Variants in CCSER2 observed in about 807,000 individuals in gnomAD.
CCSER2 encodes the protein serine-rich coiled-coil domain-containing protein 2.
Under a neutral mutation model 92.3 loss-of-function variants are expected in CCSER2, and 46 were observed. The observed-to-expected ratio is 0.50, with a 90% CI of 0.39 to 0.64. The LOEUF is 0.64. Among genes scored for constraint, CCSER2 ranks in the 30% least tolerant of loss-of-function variants. The pLI, the probability that CCSER2 is intolerant of heterozygous loss-of-function variation, is 0.00. For missense variants in CCSER2, 1,244 were observed against 1,238.9 expected (o/e 1.00, Z -0.06); for synonymous variants, 433 against 431.4 (o/e 1.00, Z -0.04).
intron 3 of CCSER2, among the ~76,000 whole-genome samples, chr10:84,382,165 GA>G (rs1280615774): frequency 6.6e-6 from 1 of 152,136 alleles, no homozygotes; most frequent in Non-Finnish European, 1.5e-5. Context: ...TCCTTTTAGT[GA>G]ATTTTCTATT....
At chr10:84,462,166 C>T (rs554589781) in intron 6 of CCSER2, among the ~76,000 whole-genome samples, 2 of 152,130 alleles carry the variant, frequency 1.3e-5, no homozygotes, top group Non-Finnish European at 2.9e-5. Flanking sequence ...AGGGATGAAC[C>T]GATGAATTTA....
intron 1 of CCSER2, among the ~76,000 whole-genome samples, chr10:84,348,707 A>G (rs1375199447): frequency 6.6e-6 from 1 of 151,844 alleles, no homozygotes; most frequent in Admixed American, 6.6e-5. Flanking sequence ...GGCATGAATA[A>G]GAGAAATCTG....
chr10:84,396,468 A>G (rs901315579), intron 3 of CCSER2, among the ~76,000 whole-genome samples: 4 of 151,722 alleles, frequency 2.6e-5, no homozygotes, highest in South Asian at 2.1e-4. Flanking sequence ...TTAGTTCTCA[A>G]TCCTTTCAGC....
intron 1 of CCSER2, among the ~76,000 whole-genome samples, chr10:84,358,588 C>T (rs1272958615): frequency 1.3e-5 from 2 of 150,684 alleles, no homozygotes; most frequent in South Asian, 2.1e-4. Flanking sequence ...GATAGCACCA[C>T]TGCATGCTGG....
At chr10:84,441,734 ATGTTTTTTTTTTTTTTTTTTTTT>A (rs1345470351) in intron 6 of CCSER2, among the ~76,000 whole-genome samples, 2 of 106,450 alleles carry the variant, frequency 1.9e-5, no homozygotes, top group South Asian at 3.4e-4. Flanking sequence ...GACTGGGAAA[ATGTTTTTTTTTTTTTTTTTTTTT>A]TTTTTTTTTT....
chr10:84,373,559 T>A, intron 2 of CCSER2, 60 bp from the exon 3 acceptor site: 2 of 1,321,348 alleles, frequency 1.5e-6, no homozygotes, highest in Non-Finnish European at 2.1e-6. Context: ...AGCACTTATA[T>A]TTTTAGGACA....
chr10:84,470,022 T>TC (rs1264913222), intron 7 of CCSER2, among the ~76,000 whole-genome samples: 1 of 149,914 alleles, frequency 6.7e-6, no homozygotes, highest in Non-Finnish European at 1.5e-5. Context: ...GATTTTTTTT[T>TC]TTTTTTTTTT....
intron 9 of CCSER2, among the ~76,000 whole-genome samples, chr10:84,498,173 T>TA (rs1401598829): frequency 6.6e-6 from 1 of 152,222 alleles, no homozygotes; most frequent in African/African-American, 2.4e-5. Flanking sequence ...TACTTAGTAG[T>TA]ACAGTGGGTA....
chr10:84,433,194 G>A (rs996955864), intron 5 of CCSER2, among the ~76,000 whole-genome samples: 1 of 152,098 alleles, frequency 6.6e-6, no homozygotes, highest in Non-Finnish European at 1.5e-5. Flanking sequence ...GATATTTTGG[G>A]TCTTTTGCCT....
chr10:84,474,593 C>T (rs574581184), intron 8 of CCSER2, among the ~76,000 whole-genome samples: 88 of 144,918 alleles, frequency 6.1e-4, no homozygotes, highest in Middle Eastern at 3.8e-3. Context: ...CCCGTGAGGC[C>T]GAGGTTGCAG....
intron 1 of CCSER2, among the ~76,000 whole-genome samples, chr10:84,342,084 G>A (rs1229436507): frequency 1.3e-5 from 2 of 152,114 alleles, no homozygotes; most frequent in African/African-American, 2.4e-5. Flanking sequence ...GAGGTTGGGG[G>A]ATGGGGCTGA....
chr10:84,422,406 A>C (rs1272368968), intron 4 of CCSER2, among the ~76,000 whole-genome samples: 1 of 152,166 alleles, frequency 6.6e-6, no homozygotes, highest in East Asian at 1.9e-4. Context: ...ATATTTAGAG[A>C]AATTTATTTT....
intron 3 of CCSER2, among the ~76,000 whole-genome samples, chr10:84,392,579 T>A (rs1382328231): frequency 6.6e-6 from 1 of 151,962 alleles, no homozygotes. Flanking sequence ...TGCATATTGA[T>A]GAAGAACTGC....
chr10:84,449,389 A>C (rs1845130090), intron 6 of CCSER2, among the ~76,000 whole-genome samples: 1 of 151,954 alleles, frequency 6.6e-6, no homozygotes, highest in African/African-American at 2.4e-5. Flanking sequence ...AAAAAATCAG[A>C]ATAGACAATT....
At chr10:84,409,833 G>A (rs924139052) in intron 3 of CCSER2, among the ~76,000 whole-genome samples, 1 of 152,122 alleles carries the variant, frequency 6.6e-6, no homozygotes, top group Non-Finnish European at 1.5e-5. Flanking sequence ...GTGCCATGGT[G>A]GTTTGCTGCA....
intron 4 of CCSER2, among the ~76,000 whole-genome samples, chr10:84,422,763 T>C (rs1408570908): frequency 1.3e-5 from 2 of 152,178 alleles, no homozygotes; most frequent in Non-Finnish European, 2.9e-5. Context: ...TTTAAATTTA[T>C]CAGTCTCTGG....
At chr10:84,493,577 T>C (rs919234443) in intron 9 of CCSER2, among the ~76,000 whole-genome samples, 4 of 152,210 alleles carry the variant, frequency 2.6e-5, no homozygotes, top group African/African-American at 9.6e-5. Context: ...AATCATATGC[T>C]AAGCAAGGGG....
chr10:84,517,308 G>A lies in CCSER2; in HGVS notation c.*3041G>A, dbSNP rs186814534. ...TGGCCTAAGGAGTTTATTGGTACAG[G>A]TGCAGATGATTTTAAGGCATTAAAG... On this transcript the variant is annotated 3_prime_UTR_variant, in exon 10 of 10. Coordinates refer to ENST00000372088, the MANE Select transcript of CCSER2 (RefSeq NM_001284240.2). The A allele has an allele frequency of 1.3e-5, 2 of 152,628 alleles. No individual in the cohort carries two copies. Among genetic ancestry groups the A allele is most frequent in the African/African-American group, 4.8e-5 (2 of 41,456 alleles). The allele number at this position is 152,628 out of a possible 1,614,324, so 9.5% of individuals were successfully genotyped here. A position where few individuals can be genotyped will look rare whatever the true frequency, so the allele number is the denominator to read the frequency against.
At chr10:84,382,183 G>A (rs1441930505) in intron 3 of CCSER2, among the ~76,000 whole-genome samples, 2 of 152,148 alleles carry the variant, frequency 1.3e-5, no homozygotes, top group Non-Finnish European at 2.9e-5. Flanking sequence ...TATTTTGGGA[G>A]TGGGCTTGGG....
Sources: gnomAD v4.1 joint callset for allele counts (sites outside exome capture counted in the v4.1 genomes callset) on GRCh38, gnomAD v4.1.1 for gene constraint, MANE v1.5 for transcripts, NCBI Gene and HGNC (gene_info 2026-07-23, HGNC 2026-07-21) for gene names.